The following ABI2 variants were observed in gnomAD, a reference collection of about 807,000 sequenced individuals.
ABI2 encodes abl interactor 2.
ABI2 carries 25 observed loss-of-function variants against 59.2 expected under a neutral mutation model. The observed-to-expected ratio is 0.42, with a 90% CI of 0.31 to 0.59. The LOEUF (loss-of-function observed/expected upper bound fraction) is 0.59. Ranked by LOEUF, ABI2 falls within the 20% of genes least tolerant of loss-of-function variation. The pLI is 0.14. For missense variants in ABI2, 545 were observed against 681.8 expected, an observed-to-expected ratio of 0.80 and a Z score of 2.23; for synonymous variants, 213 against 235.5, an observed-to-expected ratio of 0.90 and a Z score of 0.87.
chr2:203,328,925 C>G (rs534132273), intron 1 of ABI2: 2 of 257,038 alleles, frequency 7.8e-6, no homozygotes, highest in East Asian at 1.5e-4. Flanking sequence ...CGCCGGTCAG[C>G]GTTCCGGATG....
chr2:203,344,977 A>G (rs1188066893), intron 1 of ABI2, among the ~76,000 whole-genome samples: 1 of 152,152 alleles, frequency 6.6e-6, no homozygotes, highest in Non-Finnish European at 1.5e-5. Flanking sequence ...GCTCTGTAAA[A>G]TGGACCAATC....
rs2097454722 is a variant in ABI2 at position 203,407,017 on chromosome 2, A to G, written c.1193-4268A>G. 1.3e-5 allele frequency among the ~76,000 whole-genome samples: 2 copies of G among 152,176 alleles called. 1 individual carries two copies. The highest frequency in any genetic ancestry group is 4.1e-4 in the South Asian group (2 of 4,832). On this transcript the variant is annotated intron_variant, in intron 9 of 11. Coordinates refer to ENST00000261018, the MANE Select transcript of ABI2 (RefSeq NM_001375670.1). Reference sequence around the variant, plus strand: ...TACCACATCCTTTTCTTTTTGGACCATGTAAGATCTCATCTGACTAGAATG... The same window carrying G: ...TACCACATCCTTTTCTTTTTGGACCGTGTAAGATCTCATCTGACTAGAATG...
In ABI2 at chr2:203,427,799, T is replaced by C. The variant is rs1161137740; in HGVS notation, c.*447T>C. ...CAGTGGGTACCCTAGCCCCTTCTTT[T>C]CTTCCACTTGTATGAAGAGGAGGGA... On this transcript the variant is annotated 3_prime_UTR_variant, in exon 12 of 12. Transcript: ENST00000261018. The C allele has an allele frequency of 6.5e-6, 1 of 153,264 alleles. No homozygotes were observed. 9.5% of individuals were successfully genotyped at this position (153,264 alleles called of 1,614,324 possible).
At chr2:203,403,917 A>G (rs563213740) in intron 9 of ABI2, among the ~76,000 whole-genome samples, 25 of 151,670 alleles carry the variant, frequency 1.6e-4, no homozygotes, top group African/African-American at 6.0e-4. Flanking sequence ...ACACCCAGCT[A>G]ATATTTGTAT....
At chr2:203,409,836 A>G (rs1292190142) in intron 9 of ABI2, among the ~76,000 whole-genome samples, 1 of 152,272 alleles carries the variant, frequency 6.6e-6, no homozygotes, top group South Asian at 2.1e-4. Flanking sequence ...TTGACTAGCT[A>G]TCCAAACAGC....
intron 2 of ABI2, among the ~76,000 whole-genome samples, chr2:203,371,442 A>G (rs2095181189): frequency 6.6e-6 from 1 of 152,208 alleles, no homozygotes; most frequent in Non-Finnish European, 1.5e-5. Flanking sequence ...TTTGTATTAA[A>G]AGGACAATAT....
chr2:203,360,120 G>C (rs1275719607), intron 1 of ABI2, among the ~76,000 whole-genome samples: 2 of 146,718 alleles, frequency 1.4e-5, no homozygotes, highest in South Asian at 2.2e-4. Context: ...GGGAGGTGGA[G>C]GTTGCAGGGA....
At chr2:203,424,128 CA>C (rs2098337621) in intron 11 of ABI2, among the ~76,000 whole-genome samples, 1 of 152,144 alleles carries the variant, frequency 6.6e-6, no homozygotes, top group Non-Finnish European at 1.5e-5. Flanking sequence ...TCCCTATTGC[CA>C]AAACCAGTTT....
intron 8 of ABI2, 40 bp from the exon 9 acceptor site, chr2:203,402,536 T>A (rs1009192183): frequency 3.7e-6 from 5 of 1,369,482 alleles, no homozygotes; most frequent in Non-Finnish European, 4.8e-6. Flanking sequence ...CTGAGATAAT[T>A]TTCTTTTAAT....
intron 9 of ABI2, 101 bp from the exon 10 acceptor site, chr2:203,411,184 G>A (rs2097659231): frequency 1.1e-6 from 1 of 904,586 alleles, no homozygotes; most frequent in Non-Finnish European, 1.8e-6. Context: ...TTTGTGAATA[G>A]TAGTTTCCCT....
At chr2:203,399,707 G>A (rs938204798) in intron 8 of ABI2, among the ~76,000 whole-genome samples, 1 of 152,046 alleles carries the variant, frequency 6.6e-6, no homozygotes, top group Non-Finnish European at 1.5e-5. Flanking sequence ...TAGAGACGGG[G>A]TTTCACCACG....
intron 5 of ABI2, 87 bp downstream of exon 5, chr2:203,391,230 T>C: frequency 1.1e-6 from 1 of 929,178 alleles, no homozygotes; most frequent in Non-Finnish European, 1.5e-6. Context: ...TTTTTGAATA[T>C]TTGAAGAGAG....
At chr2:203,390,120 A>G (rs1393243406) in intron 4 of ABI2, among the ~76,000 whole-genome samples, 1 of 152,242 alleles carries the variant, frequency 6.6e-6, no homozygotes, top group Admixed American at 6.5e-5. Context: ...GTTTAGGAAC[A>G]TGGCTTGAAC....
chr2:203,342,089 G>A (rs917740314), intron 1 of ABI2: 2 of 376,436 alleles, frequency 5.3e-6, no homozygotes, highest in African/African-American at 4.3e-5. Flanking sequence ...TGCCTGTTAT[G>A]TCCTCATTTC....
rs2098484221 is a variant in ABI2 at position 203,431,629 on chromosome 2, A to G, written c.*4277A>G. The G allele has an allele frequency of 6.6e-6, 1 of 151,974 alleles. No individual in the cohort carries two copies. Among genetic ancestry groups the G allele is most frequent in the Admixed American group, 6.6e-5 (1 of 15,248 alleles). 9.4% of individuals were successfully genotyped at this position (151,974 alleles called of 1,614,324 possible). On this transcript the variant is annotated 3_prime_UTR_variant, in exon 12 of 12. Transcript: ENST00000261018. ...TAAAAGTGATTAAATGGAGGCATTG[A>G]GCTCATTACCTTTAAGTTTACTTTG...
chr2:203,334,588 A>G (rs1287785901), intron 1 of ABI2, among the ~76,000 whole-genome samples: 1 of 152,142 alleles, frequency 6.6e-6, no homozygotes, highest in Admixed American at 6.5e-5. Context: ...GAAAAAAACA[A>G]TAGAGAAGAC....
chr2:203,412,276 G>T (rs1044641149), intron 10 of ABI2, among the ~76,000 whole-genome samples: 1 of 152,126 alleles, frequency 6.6e-6, no homozygotes, highest in Admixed American at 6.5e-5. Context: ...TGCCTGTTTT[G>T]CTTGCTAGCT....
rs1250516806 is a variant in ABI2, at chr2:203,430,224, ATGGT to A, written c.*2877_*2880del. ...TCCCTCTTTTTTTATAAATTAAAAG[ATGGT>A]TGGTATTAGGAATTTCAAATGAATG... is the stretch of plus-strand genomic sequence containing the variant. On this transcript the variant is annotated 3_prime_UTR_variant, in exon 12 of 12. Coordinates refer to ENST00000261018, the MANE Select transcript of ABI2 (RefSeq NM_001375670.1). The A allele has an allele frequency of 6.6e-6, 1 of 152,102 alleles. No individual in the cohort carries two copies. Among genetic ancestry groups the A allele is most frequent in the African/African-American group, 2.4e-5 (1 of 41,398 alleles). The allele number at this position is 152,102 out of a possible 1,614,324, so 9.4% of individuals were successfully genotyped here. A position where few individuals can be genotyped will look rare whatever the true frequency, so the allele number is the denominator to read the frequency against.
At chr2:203,366,440 CATT>C (rs2152995033) in intron 1 of ABI2, among the ~76,000 whole-genome samples, 1 of 151,788 alleles carries the variant, frequency 6.6e-6, no homozygotes, top group South Asian at 2.1e-4. Context: ...TAGGGTTAAA[CATT>C]ATTATCACTT....
Sources: gnomAD v4.1 joint callset for allele counts (sites outside exome capture counted in the v4.1 genomes callset) on GRCh38, gnomAD v4.1.1 for gene constraint, MANE v1.5 for transcripts, NCBI Gene and HGNC (gene_info 2026-07-23, HGNC 2026-07-21) for gene names.